The following FCHSD2 variants were observed in gnomAD, a reference collection of about 807,000 sequenced individuals.
FCHSD2 encodes F-BAR and double SH3 domains protein 2.
A neutral mutation model predicts 108.1 loss-of-function variants in FCHSD2; 38 were observed. The observed-to-expected ratio is 0.35, with a 90% CI of 0.27 to 0.46. The LOEUF (loss-of-function observed/expected upper bound fraction) is 0.46, where lower values mean the gene tolerates loss of function less well. Among genes scored for constraint, FCHSD2 ranks in the 20% least tolerant of loss-of-function variants. The probability of loss-of-function intolerance (pLI) is 1.00; values close to 1 mark genes in which losing one functional copy is unlikely to be tolerated. For missense variants in FCHSD2, 751 were observed against 897.8 expected (o/e 0.84, Z 2.09); for synonymous variants, 279 against 314.7 (o/e 0.89, Z 1.20).
At chr11:72,976,120 T>G (rs1403734035) in intron 8 of FCHSD2, among the ~76,000 whole-genome samples, 3 of 152,172 alleles carry the variant, frequency 2.0e-5, no homozygotes, top group Non-Finnish European at 4.4e-5. Context: ...AGCAATAGTT[T>G]TTTGTTTGTT....
chr11:73,044,302 G>A (rs1268675332), intron 3 of FCHSD2, among the ~76,000 whole-genome samples: 2 of 152,190 alleles, frequency 1.3e-5, no homozygotes, highest in South Asian at 2.1e-4. Flanking sequence ...CAGAGGCTGA[G>A]TGTGGTGTCT....
intron 2 of FCHSD2, among the ~76,000 whole-genome samples, chr11:73,118,419 G>A (rs1367505286): frequency 1.3e-5 from 2 of 152,116 alleles, no homozygotes; most frequent in Non-Finnish European, 2.9e-5. Flanking sequence ...AAACACCAGA[G>A]GAAACCACTG....
chr11:73,061,297 T>G (rs2135488031), intron 3 of FCHSD2, among the ~76,000 whole-genome samples: 1 of 152,326 alleles, frequency 6.6e-6, no homozygotes, highest in South Asian at 2.1e-4. Flanking sequence ...GTCGCATGGT[T>G]TTCGCAAACT....
intron 2 of FCHSD2, among the ~76,000 whole-genome samples, chr11:73,122,393 C>A (rs1047423405): frequency 1.3e-5 from 2 of 152,134 alleles, no homozygotes; most frequent in African/African-American, 4.8e-5. Flanking sequence ...GAGAAAACCA[C>A]CCCACCAGGA....
intron 8 of FCHSD2, chr11:72,940,556 G>A (rs1433128703): frequency 1.0e-5 from 11 of 1,103,974 alleles, no homozygotes; most frequent in South Asian, 5.0e-5. Flanking sequence ...CATGTCATGC[G>A]CTTTCTTCTG....
Position 72,916,968 on chromosome 11 carries a change from C to CTTTTTTTTTT in FCHSD2, c.828+4850_828+4859dup, listed in dbSNP as rs71062793. Among the ~76,000 whole-genome samples, 21 of 118,798 alleles carry CTTTTTTTTTT rather than the reference C, an allele frequency of 1.8e-4. 1 individual carries two copies. The highest frequency in any genetic ancestry group is 6.5e-4 in the African/African-American group (20 of 30,592). 77.9% of individuals were successfully genotyped at this position (118,798 alleles called of 152,430 possible). A position where few individuals can be genotyped will look rare whatever the true frequency, so the allele number is the denominator to read the frequency against. Reference sequence around the variant, plus strand: ...GTTCACAACTTCATTGAACTTCATTCTTTTTTTTTTTTTTTTTTTTTTTTT... The same window carrying CTTTTTTTTTT: ...GTTCACAACTTCATTGAACTTCATTCTTTTTTTTTTTTTTTTTTTTTTTTTTTTTTTTTTT... On this transcript the variant is annotated intron_variant, in intron 9 of 19. Coordinates refer to ENST00000409418, the MANE Select transcript of FCHSD2 (RefSeq NM_014824.3).
intron 5 of FCHSD2, among the ~76,000 whole-genome samples, chr11:72,989,925 G>T (rs1857378818): frequency 6.6e-6 from 1 of 152,194 alleles, no homozygotes; most frequent in Admixed American, 6.5e-5. Flanking sequence ...AGACACTGGT[G>T]AAGGACTATT....
At chr11:72,851,404 ACT>A (rs909596976) in intron 13 of FCHSD2, among the ~76,000 whole-genome samples, 7 of 152,100 alleles carry the variant, frequency 4.6e-5, no homozygotes, top group African/African-American at 1.7e-4. Context: ...GTTTGAATGC[ACT>A]CTGATGTATC....
chr11:72,921,587 T>C (rs953686825), intron 9 of FCHSD2, among the ~76,000 whole-genome samples: 1 of 152,192 alleles, frequency 6.6e-6, no homozygotes, highest in African/African-American at 2.4e-5. Context: ...CACATGGCAA[T>C]GGGCCAATGT....
chr11:72,874,684 T>A (rs560901784), intron 12 of FCHSD2, among the ~76,000 whole-genome samples: 1 of 152,350 alleles, frequency 6.6e-6, no homozygotes, highest in Non-Finnish European at 1.5e-5. Flanking sequence ...TTTGTCAGTA[T>A]TTTATCAAAC....
chr11:72,850,988 A>G (rs1290069164), intron 13 of FCHSD2, among the ~76,000 whole-genome samples: 1 of 151,014 alleles, frequency 6.6e-6, no homozygotes, highest in Non-Finnish European at 1.5e-5. Flanking sequence ...AGTCCCAGCT[A>G]CTGCGAAGGC....
chr11:72,849,695 G>C (rs1366706550), intron 14 of FCHSD2, 60 bp downstream of exon 14: 1 of 1,292,382 alleles, frequency 7.7e-7, no homozygotes, highest in Non-Finnish European at 1.1e-6. Context: ...GATGGATACA[G>C]TCATGTGTAT....
chr11:73,113,125 A>G (rs1006842881), intron 2 of FCHSD2, among the ~76,000 whole-genome samples: 3 of 152,156 alleles, frequency 2.0e-5, no homozygotes, highest in Non-Finnish European at 2.9e-5. Flanking sequence ...ATTATGATGC[A>G]TTATTCAACT....
At chr11:73,069,349 T>A (rs1859378443) in intron 3 of FCHSD2, among the ~76,000 whole-genome samples, 7 of 127,338 alleles carry the variant, frequency 5.5e-5, no homozygotes, top group East Asian at 4.6e-4. Context: ...AAAATAACTA[T>A]CCAAAGAGAA....
chr11:72,949,675 G>C (rs750678734), intron 8 of FCHSD2, among the ~76,000 whole-genome samples: 3 of 152,018 alleles, frequency 2.0e-5, no homozygotes, highest in African/African-American at 2.4e-5. Context: ...ATGTTTTCAA[G>C]GTCTACCCAT....
chr11:72,981,728 C>A (rs1261185147), intron 8 of FCHSD2, among the ~76,000 whole-genome samples: 3 of 152,306 alleles, frequency 2.0e-5, no homozygotes, highest in Admixed American at 6.5e-5. Context: ...ATAATCCCAG[C>A]ATTTTGGGAG....
At chr11:73,133,703 G>A (rs536091438) in intron 2 of FCHSD2, among the ~76,000 whole-genome samples, 3 of 146,616 alleles carry the variant, frequency 2.0e-5, no homozygotes, top group African/African-American at 7.5e-5. Flanking sequence ...GGCTGAGGCA[G>A]AATTGCATGA....
chr11:73,032,496 G>C (rs564208734), intron 3 of FCHSD2, among the ~76,000 whole-genome samples: 1 of 152,086 alleles, frequency 6.6e-6, no homozygotes, highest in South Asian at 2.1e-4. Context: ...AAGGTGCTAG[G>C]ATTACAGGTG....
intron 3 of FCHSD2, among the ~76,000 whole-genome samples, chr11:73,066,131 T>C (rs1859286369): frequency 6.6e-6 from 1 of 152,142 alleles, no homozygotes; most frequent in South Asian, 2.1e-4. Context: ...AACAGCATGG[T>C]ACTGGTACCA....
Sources: gnomAD v4.1 joint callset for allele counts (sites outside exome capture counted in the v4.1 genomes callset) on GRCh38, gnomAD v4.1.1 for gene constraint, MANE v1.5 for transcripts, NCBI Gene and HGNC (gene_info 2026-07-23, HGNC 2026-07-21) for gene names.